HIGD1C: variants seen among roughly 807,000 people sequenced by gnomAD.
The protein encoded by HIGD1C is HIG1 domain family member 1C.
A neutral mutation model predicts 13.1 loss-of-function variants in HIGD1C; 11 were observed. That is an observed-to-expected ratio of 0.84 (90% confidence interval 0.53 to 1.39). HIGD1C has a LOEUF of 1.39. HIGD1C is among the 40% of genes most tolerant of loss of function. HIGD1C has a pLI of 0.00. For missense variants in HIGD1C, 110 were observed against 112.0 expected (o/e 0.98, Z 0.08); for synonymous variants, 36 against 37.7 (o/e 0.95, Z 0.17).
the HIGD1C span, among the ~76,000 whole-genome samples, chr12:50,937,333 G>A: frequency 6.6e-6 from 1 of 152,200 alleles, no homozygotes; most frequent in African/African-American, 2.4e-5. Context: ...GGCCAGGTAT[G>A]CCAAGACCTG....
chr12:50,966,888 G>A (rs1939560392), intron 2 of HIGD1C, among the ~76,000 whole-genome samples: 1 of 152,084 alleles, frequency 6.6e-6, no homozygotes, highest in South Asian at 2.1e-4. Flanking sequence ...GGCCAAGGTG[G>A]GTAGATCATT....
chr12:50,937,373 G>A, the HIGD1C span, among the ~76,000 whole-genome samples: 1 of 152,206 alleles, frequency 6.6e-6, no homozygotes, highest in Non-Finnish European at 1.5e-5. Flanking sequence ...ATCTGGACGA[G>A]GGGAATGTGG....
At chr12:50,948,404 TTC>T in the HIGD1C span, among the ~76,000 whole-genome samples, 3 of 152,296 alleles carry the variant, frequency 2.0e-5, no homozygotes, top group African/African-American at 7.2e-5. Flanking sequence ...TGACAACACA[TTC>T]TGTTGGGCAG....
the HIGD1C span, among the ~76,000 whole-genome samples, chr12:50,947,373 C>G: frequency 6.6e-6 from 1 of 152,196 alleles, no homozygotes; most frequent in Non-Finnish European, 1.5e-5. Context: ...TCTGGAGGCT[C>G]TGGGGGAGAA....
chr12:50,955,565 A>G (rs1939062420), intron 1 of HIGD1C, among the ~76,000 whole-genome samples: 1 of 152,194 alleles, frequency 6.6e-6, no homozygotes, highest in Non-Finnish European at 1.5e-5. Context: ...ATTCCATAAA[A>G]ACTTCTAAAT....
intron 1 of HIGD1C, among the ~76,000 whole-genome samples, chr12:50,957,937 G>GGGGTGTGTGTGTGT (rs1464920302): frequency 7.6e-6 from 1 of 132,408 alleles, no homozygotes; most frequent in Non-Finnish European, 1.6e-5. Flanking sequence ...ATGAATTGGA[G>GGGGTGTGTGTGTGT]GTGTGTGTGT....
At chr12:50,937,781 C>T in the HIGD1C span, among the ~76,000 whole-genome samples, 3 of 152,110 alleles carry the variant, frequency 2.0e-5, no homozygotes, top group African/African-American at 7.2e-5. Flanking sequence ...AAGCATGCAG[C>T]CCTCAGCAGA....
the HIGD1C span, among the ~76,000 whole-genome samples, chr12:50,942,046 A>G: frequency 1.3e-5 from 2 of 152,078 alleles, no homozygotes; most frequent in South Asian, 2.1e-4. Context: ...ATACCAGGCT[A>G]ATTTTTTTGT....
chr12:50,956,230 A>G (rs1454890142), intron 1 of HIGD1C, among the ~76,000 whole-genome samples: 1 of 152,140 alleles, frequency 6.6e-6, no homozygotes, highest in African/African-American at 2.4e-5. Flanking sequence ...TGTCTCTACT[A>G]AAAATACAAA....
At chr12:50,963,868 C>A (rs187628829) in intron 2 of HIGD1C, among the ~76,000 whole-genome samples, 2 of 152,182 alleles carry the variant, frequency 1.3e-5, no homozygotes, top group African/African-American at 4.8e-5. Context: ...CTGTCCAGCC[C>A]TTGTCAACTT....
At chr12:50,964,987 T>G (rs923760125) in intron 2 of HIGD1C, among the ~76,000 whole-genome samples, 6 of 152,176 alleles carry the variant, frequency 3.9e-5, no homozygotes, top group Non-Finnish European at 5.9e-5. Context: ...CCTCCCAAAG[T>G]GTTGGGATTA....
chr12:50,943,816 TTG>T, the HIGD1C span, among the ~76,000 whole-genome samples: 1 of 152,204 alleles, frequency 6.6e-6, no homozygotes, highest in Admixed American at 6.5e-5. Flanking sequence ...GTTTACTCAT[TTG>T]TCTCTCCTAC....
chr12:50,945,410 A>G, the HIGD1C span, among the ~76,000 whole-genome samples: 1 of 152,222 alleles, frequency 6.6e-6, no homozygotes, highest in Admixed American at 6.5e-5. Flanking sequence ...ATCAATGTGC[A>G]AAAATCATAA....
intron 1 of HIGD1C, among the ~76,000 whole-genome samples, chr12:50,957,623 G>A (rs1482588114): frequency 1.3e-5 from 2 of 151,302 alleles, no homozygotes; most frequent in South Asian, 2.1e-4. Context: ...GGTGGCTCAC[G>A]CCTATAATCC....
the HIGD1C span, among the ~76,000 whole-genome samples, chr12:50,948,408 G>C: frequency 6.6e-6 from 1 of 152,158 alleles, no homozygotes; most frequent in Non-Finnish European, 1.5e-5. Flanking sequence ...AACACATTCT[G>C]TTGGGCAGGC....
chr12:50,944,117 A>G, the HIGD1C span, among the ~76,000 whole-genome samples: 2 of 152,064 alleles, frequency 1.3e-5, no homozygotes, highest in Non-Finnish European at 2.9e-5. Flanking sequence ...GAACAAAAAA[A>G]TGAGCCACTG....
chr12:50,936,476 C>A, the HIGD1C span, among the ~76,000 whole-genome samples: 1 of 152,118 alleles, frequency 6.6e-6, no homozygotes, highest in African/African-American at 2.4e-5. Flanking sequence ...GATAATTATC[C>A]CCATTTGACA....
chr12:50,934,089 A>G, the HIGD1C span, among the ~76,000 whole-genome samples: 1 of 152,224 alleles, frequency 6.6e-6, no homozygotes, highest in African/African-American at 2.4e-5. Context: ...GGTTGTGGTC[A>G]TTGGGTTGAA....
chr12:50,950,585 C>A (rs1938870291), upstream of HIGD1C, among the ~76,000 whole-genome samples: 2 of 152,062 alleles, frequency 1.3e-5, no homozygotes, highest in Admixed American at 1.3e-4. Context: ...TCGTTGCAAC[C>A]TCCACCTCCT....
Sources: gnomAD v4.1 joint callset for allele counts (sites outside exome capture counted in the v4.1 genomes callset) on GRCh38, gnomAD v4.1.1 for gene constraint, MANE v1.5 for transcripts, NCBI Gene and HGNC (gene_info 2026-07-23, HGNC 2026-07-21) for gene names.